Variants in ABI2 observed in about 807,000 individuals in gnomAD.
The protein encoded by ABI2 is abelson interactor 2.
In ABI2, 25 loss-of-function variants were observed where a neutral mutation model predicts 59.2. The observed-to-expected ratio is 0.42, with a 90% CI of 0.31 to 0.59. ABI2 has a LOEUF of 0.59. ABI2 is among the 20% of genes least tolerant of loss of function. The pLI, the probability that ABI2 is intolerant of heterozygous loss-of-function variation, is 0.14. For missense variants in ABI2, 545 were observed against 681.8 expected (o/e 0.80, Z 2.23); for synonymous variants, 213 against 235.5 (o/e 0.90, Z 0.87).
intron 7 of ABI2, 34 bp from the exon 8 acceptor site, chr2:203,396,751 A>AT: frequency 6.7e-7 from 1 of 1,492,558 alleles, no homozygotes; most frequent in Non-Finnish European, 8.9e-7. Flanking sequence ...TGATTGCCTC[A>AT]TTAATGCTGC....
intron 4 of ABI2, among the ~76,000 whole-genome samples, chr2:203,382,524 C>T (rs1017776418): frequency 6.6e-6 from 1 of 151,894 alleles, no homozygotes; most frequent in African/African-American, 2.4e-5. Context: ...TGTAAGCTAC[C>T]CTATCATAAA....
At chr2:203,383,696 A>G (rs981574751) in intron 4 of ABI2, among the ~76,000 whole-genome samples, 4 of 152,186 alleles carry the variant, frequency 2.6e-5, no homozygotes. Context: ...TCACACTTAG[A>G]TAAGATCCCT....
At chr2:203,358,660 T>C (rs1033886068) in intron 1 of ABI2, among the ~76,000 whole-genome samples, 20 of 152,106 alleles carry the variant, frequency 1.3e-4, no homozygotes, top group African/African-American at 4.6e-4. Flanking sequence ...TTTTAGGCCT[T>C]GTATATTAAT....
intron 4 of ABI2, among the ~76,000 whole-genome samples, chr2:203,389,841 A>G (rs969857443): frequency 4.6e-5 from 7 of 152,348 alleles, no homozygotes; most frequent in East Asian, 3.9e-4. Flanking sequence ...GGCTTTCTGT[A>G]TAAGTGCTAA....
At chr2:203,408,719 G>C (rs539467967) in intron 9 of ABI2, among the ~76,000 whole-genome samples, 2 of 151,996 alleles carry the variant, frequency 1.3e-5, no homozygotes, top group Admixed American at 1.3e-4. Context: ...CAACAGAAGA[G>C]GAGCATTTCA....
Position 203,397,067 on chromosome 2 carries a change from G to A in ABI2, c.1033+100G>A, listed in dbSNP as rs907856941. The A allele has an allele frequency of 1.2e-4, 151 of 1,263,840 alleles. 1 individual carries two copies. In the East Asian group the frequency reaches 4.0e-3, roughly 34 times the overall value. The allele number at this position is 1,263,840 out of a possible 1,614,324, so 78.3% of individuals were successfully genotyped here. On this transcript the variant is annotated intron_variant, in intron 8 of 11. Transcript: ENST00000261018. ...TTTGTTTTTGGTTTTGTTGTACTTC[G>A]TATTAAAAAAAAATAAGAATAATGT... is the stretch of plus-strand genomic sequence containing the variant.
At chr2:203,340,017 A>G (rs2078955058) in intron 1 of ABI2, among the ~76,000 whole-genome samples, 2 of 152,230 alleles carry the variant, frequency 1.3e-5, no homozygotes, top group South Asian at 2.1e-4. Context: ...GGTCAACTGC[A>G]TATGTAATAG....
chr2:203,355,699 C>T (rs971780736), intron 1 of ABI2, among the ~76,000 whole-genome samples: 5 of 150,310 alleles, frequency 3.3e-5, no homozygotes, highest in Non-Finnish European at 7.4e-5. Flanking sequence ...GGCATGGTGG[C>T]GCACGCCTGT....
At chr2:203,353,813 C>T (rs146839116) in intron 1 of ABI2, among the ~76,000 whole-genome samples, 196 of 152,080 alleles carry the variant, frequency 1.3e-3, no homozygotes, top group African/African-American at 4.6e-3. Flanking sequence ...GTACTTTAAA[C>T]TCTTATCTGT....
intron 1 of ABI2, among the ~76,000 whole-genome samples, chr2:203,333,344 A>G (rs1168267685): frequency 6.6e-6 from 1 of 152,128 alleles, no homozygotes; most frequent in Admixed American, 6.5e-5. Context: ...TTTATGTTCT[A>G]TATTCTGTAC....
chr2:203,355,604 C>T (rs992047350), intron 1 of ABI2, among the ~76,000 whole-genome samples: 4 of 151,580 alleles, frequency 2.6e-5, no homozygotes, highest in South Asian at 2.1e-4. Context: ...CTGAGGTGGG[C>T]GGATCACCTG....
chr2:203,416,962 C>G lies in ABI2; in HGVS notation c.1334C>G (p.Ser445Cys), dbSNP rs778048658. The G allele has an allele frequency of 5.8e-5, 93 of 1,613,980 alleles. No homozygotes were observed. The highest frequency in any genetic ancestry group is 7.7e-5 in the Non-Finnish European group (91 of 1,180,012). Residue 445 changes from serine to cysteine, a missense_variant, in exon 11 of 12, where the codon TCT becomes TGT. Ser to Cys is a moderately radical substitution (Grantham distance 112). This residue lies in a region of ABI2 where 410 missense variants were observed against 435.6 expected (regional missense o/e 0.94). Transcript: ENST00000261018. The part of the protein sequence containing the change: ...PPVEEPVFDE[S>C]PPPPPPPEDY... ...GTGGAAGAACCAGTCTTTGATGAGT[C>G]TCCCCCACCTCCTCCTCCTCCAGAA...
chr2:203,381,806 G>A (rs929372599), intron 3 of ABI2, among the ~76,000 whole-genome samples: 1 of 152,086 alleles, frequency 6.6e-6, no homozygotes, highest in Non-Finnish European at 1.5e-5. Flanking sequence ...TAAGAAAAAA[G>A]TAATCCCATT....
rs1337018299 is a variant in ABI2, at chr2:203,371,936, TA to T, written c.285+4893del. On this transcript the variant is annotated intron_variant, in intron 2 of 11. Coordinates refer to ENST00000261018, the MANE Select transcript of ABI2 (RefSeq NM_001375670.1). ...TCTTTTTATTTTTATTTTATTTATT[TA>T]TTTATTTTTAATTGATCATTCTTGG... Among the ~76,000 whole-genome samples, 6 of 151,844 alleles carry T rather than the reference TA, an allele frequency of 4.0e-5. No homozygotes were observed. In the East Asian group the frequency reaches 5.8e-4, roughly 15 times the overall value.
At chr2:203,356,494 G>A (rs1037122448) in intron 1 of ABI2, among the ~76,000 whole-genome samples, 5 of 152,062 alleles carry the variant, frequency 3.3e-5, no homozygotes, top group South Asian at 2.1e-4. Flanking sequence ...TCAGCCTCCC[G>A]AGTAGCTGGG....
intron 1 of ABI2, among the ~76,000 whole-genome samples, chr2:203,329,562 G>C (rs1436189540): frequency 6.7e-6 from 1 of 149,822 alleles, no homozygotes; most frequent in Non-Finnish European, 1.5e-5. Context: ...AAAATCTTTT[G>C]CTTTTTTTTT....
At chr2:203,419,844 T>TAC (rs1425031959) in intron 11 of ABI2, among the ~76,000 whole-genome samples, 20 of 152,084 alleles carry the variant, frequency 1.3e-4, no homozygotes, top group African/African-American at 4.6e-4. Context: ...CAAAATTAGC[T>TAC]GGGCATGGTG....
At chr2:203,368,814 A>G (rs2094775137) in intron 2 of ABI2, among the ~76,000 whole-genome samples, 1 of 151,372 alleles carries the variant, frequency 6.6e-6, no homozygotes, top group South Asian at 2.1e-4. Context: ...GACGAAATAG[A>G]TGAATTTTTT....
intron 8 of ABI2, among the ~76,000 whole-genome samples, chr2:203,400,629 TAA>T (rs1326964347): frequency 1.3e-5 from 2 of 152,216 alleles, no homozygotes; most frequent in Admixed American, 6.5e-5. Flanking sequence ...CTTGAGTGCT[TAA>T]GTTTTTGATA....
Sources: gnomAD v4.1 joint callset for allele counts (sites outside exome capture counted in the v4.1 genomes callset) on GRCh38, gnomAD v4.1.1 for gene constraint, gnomAD v4.1.1 regional missense constraint, MANE v1.5 for transcripts, NCBI Gene and HGNC (gene_info 2026-07-23, HGNC 2026-07-21) for gene names.